NALF1: variants seen among roughly 807,000 people sequenced by gnomAD.
NALF1 encodes the protein NALCN channel auxiliary factor 1.
A neutral mutation model predicts 48.4 loss-of-function variants in NALF1; 3 were observed. The observed-to-expected ratio is 0.06, with a 90% confidence interval of 0.03 to 0.16. The LOEUF is 0.16. Ranked by LOEUF, NALF1 falls within the 10% of genes least tolerant of loss-of-function variation. The pLI is 1.00. For synonymous variants in NALF1, 262 were observed against 245.7 expected (o/e 1.07, Z -0.62); for missense variants, 526 against 571.5 (o/e 0.92, Z 0.81).
chr13:107,340,708 C>T (rs796254994), intron 1 of NALF1, among the ~76,000 whole-genome samples: 10 of 151,950 alleles, frequency 6.6e-5, no homozygotes, highest in South Asian at 4.2e-4. Context: ...TGTGGCCATC[C>T]GAAGTCTTCA....
At chr13:107,658,530 G>C (rs1880645357) in intron 1 of NALF1, among the ~76,000 whole-genome samples, 1 of 152,058 alleles carries the variant, frequency 6.6e-6, no homozygotes, top group South Asian at 2.1e-4. Context: ...CAAATGAATT[G>C]GTCTGGTTTA....
At chr13:107,725,827 A>G (rs575477593) in intron 1 of NALF1, among the ~76,000 whole-genome samples, 48 of 152,350 alleles carry the variant, frequency 3.2e-4, no homozygotes, top group Non-Finnish European at 3.8e-4. Flanking sequence ...GAGTGGCCAT[A>G]AAGTTCCAGA....
chr13:107,693,579 AG>A (rs1881624240), intron 1 of NALF1, among the ~76,000 whole-genome samples: 1 of 152,192 alleles, frequency 6.6e-6, no homozygotes, highest in African/African-American at 2.4e-5. Context: ...AGGTGAGGCA[AG>A]GTTACTTTAG....
At chr13:107,403,188 C>CTTTTTTTTTTTTTTTTTTTTTTTTT (rs10710356) in intron 1 of NALF1, among the ~76,000 whole-genome samples, 16 of 42,488 alleles carry the variant, frequency 3.8e-4, no homozygotes, top group Non-Finnish European at 4.6e-4. Context: ...CTTGTTCGGG[C>CTTTTTTTTTTTTTTTTTTTTTTTTT]TTTTTTTTTT....
intron 1 of NALF1, among the ~76,000 whole-genome samples, chr13:107,306,345 T>C (rs1238636714): frequency 2.6e-5 from 4 of 152,142 alleles, no homozygotes; most frequent in Non-Finnish European, 5.9e-5. Context: ...GACTTGAGGA[T>C]TGTATAGCAA....
intron 1 of NALF1, among the ~76,000 whole-genome samples, chr13:107,310,147 C>T (rs746302348): frequency 6.6e-6 from 1 of 152,064 alleles, no homozygotes; most frequent in African/African-American, 2.4e-5. Context: ...TGGTGGCTCA[C>T]GCCTGTAATC....
intron 1 of NALF1, among the ~76,000 whole-genome samples, chr13:107,324,931 T>C (rs997564929): frequency 6.6e-6 from 1 of 152,200 alleles, no homozygotes; most frequent in Non-Finnish European, 1.5e-5. Context: ...ATGAGTCAAT[T>C]TGTTCACTTT....
chr13:107,458,971 C>T (rs9520452), intron 1 of NALF1, among the ~76,000 whole-genome samples: 100,537 of 151,592 alleles, frequency 0.66, 35,017 homozygotes, highest in Middle Eastern at 0.81. Context: ...AGAGGTACAT[C>T]TGTTATAATT....
intron 1 of NALF1, among the ~76,000 whole-genome samples, chr13:107,344,593 C>T (rs1419086307): frequency 6.6e-6 from 1 of 152,086 alleles, no homozygotes; most frequent in East Asian, 1.9e-4. Context: ...ATGCTCCTCT[C>T]TATGATGCAG....
chr13:107,841,021 C>A (rs528906668), intron 1 of NALF1, among the ~76,000 whole-genome samples: 1 of 152,258 alleles, frequency 6.6e-6, no homozygotes, highest in East Asian at 1.9e-4. Context: ...AACTCTATTT[C>A]TCTAATTATA....
At chr13:107,675,385 G>A (rs140282746) in intron 1 of NALF1, among the ~76,000 whole-genome samples, 3 of 152,312 alleles carry the variant, frequency 2.0e-5, no homozygotes, top group East Asian at 3.9e-4. Context: ...GAAGAAATGC[G>A]ATTAGAGTTG....
rs1484062540 is a variant in NALF1, at chr13:107,163,714, A to C, written c.*6783T>G. The C allele has an allele frequency of 6.6e-6, 1 of 152,174 alleles. No individual in the cohort carries two copies. The allele number at this position is 152,174 out of a possible 1,614,324, so 9.4% of individuals were successfully genotyped here. ...AAAAGTACTTGAGTACATTCAGAAA[A>C]ACAATTTAAAAATAATACATGAGTT... On this transcript the variant is annotated 3_prime_UTR_variant, in exon 3 of 3. Coordinates refer to ENST00000375915, the MANE Select transcript of NALF1 (RefSeq NM_001080396.3).
chr13:107,496,611 G>C (rs1047133117), intron 1 of NALF1, among the ~76,000 whole-genome samples: 1 of 152,150 alleles, frequency 6.6e-6, no homozygotes, highest in African/African-American at 2.4e-5. Context: ...GTCCCCAGAA[G>C]CATTATTGGA....
At chr13:107,807,016 A>G (rs1162652834) in intron 1 of NALF1, among the ~76,000 whole-genome samples, 1 of 152,140 alleles carries the variant, frequency 6.6e-6, no homozygotes, top group Non-Finnish European at 1.5e-5. Flanking sequence ...GAAACTCTAA[A>G]TATCACGCCA....
intron 1 of NALF1, among the ~76,000 whole-genome samples, chr13:107,268,239 C>T (rs544349796): frequency 1.8e-4 from 27 of 152,124 alleles, no homozygotes; most frequent in Non-Finnish European, 7.4e-5. Context: ...CTGGCCGCCT[C>T]GGCCTCCCAA....
chr13:107,265,162 T>C (rs778892172), intron 1 of NALF1, among the ~76,000 whole-genome samples: 52 of 152,260 alleles, frequency 3.4e-4, no homozygotes, highest in Non-Finnish European at 5.9e-4. Flanking sequence ...AACTTTTTAA[T>C]ATATTTTTCA....
At chr13:107,233,061 C>T (rs1880261239) in intron 1 of NALF1, among the ~76,000 whole-genome samples, 1 of 152,158 alleles carries the variant, frequency 6.6e-6, no homozygotes, top group African/African-American at 2.4e-5. Context: ...GCTTCTCTTT[C>T]TGGGAAGTGT....
chr13:107,287,431 T>C (rs1881516923), intron 1 of NALF1, among the ~76,000 whole-genome samples: 1 of 152,198 alleles, frequency 6.6e-6, no homozygotes, highest in South Asian at 2.1e-4. Context: ...CCTGTGCCTC[T>C]TCATTACCCT....
intron 1 of NALF1, among the ~76,000 whole-genome samples, chr13:107,843,271 G>C (rs1046155957): frequency 1.3e-5 from 2 of 152,144 alleles, no homozygotes; most frequent in African/African-American, 4.8e-5. Flanking sequence ...ATAACAGAAT[G>C]AAGCAACTGA....
Sources: allele counts gnomAD v4.1 joint callset (sites outside exome capture counted in the v4.1 genomes callset), GRCh38; gene constraint gnomAD v4.1.1; transcripts MANE v1.5; gene names NCBI Gene and HGNC (gene_info 2026-07-23, HGNC 2026-07-21).